The following CBFB variants were observed in gnomAD, a reference collection of about 807,000 sequenced individuals.
CBFB encodes the protein CBF-beta.
A neutral mutation model predicts 30.4 loss-of-function variants in CBFB; 9 were observed. The ratio of observed to expected loss-of-function variants is 0.30; its 90% CI spans 0.18 to 0.52. The LOEUF (loss-of-function observed/expected upper bound fraction) is 0.52. CBFB is among the 20% of genes least tolerant of loss of function. The pLI, the probability that CBFB is intolerant of heterozygous loss-of-function variation, is 0.97. For missense variants in CBFB, 170 were observed against 244.0 expected (o/e 0.70, Z 2.02); for synonymous variants, 94 against 84.0 (o/e 1.12, Z -0.65).
chr16:67,029,953 A>G, intron 2 of CBFB, 140 bp downstream of exon 2: 1 of 517,862 alleles, frequency 1.9e-6, no homozygotes, highest in Non-Finnish European at 3.2e-6. Context: ...TCGGGATTCA[A>G]AATGCGAAAC....
At chr16:67,097,545 CAA>C (rs1416293585) in intron 5 of CBFB, among the ~76,000 whole-genome samples, 10 of 48,858 alleles carry the variant, frequency 2.0e-4, no homozygotes, top group Admixed American at 2.2e-4. Context: ...AACTCCGTCT[CAA>C]AAAAAAAAAA....
Position 67,098,710 on chromosome 16 carries a change from G to A in CBFB, c.496G>A (p.Ala166Thr). Residue 166 changes from alanine (A) to threonine (T), a missense_variant and splice_region_variant, in exon 6 of 6, where the codon GCA becomes ACA. Transcript: ENST00000412916. ...CCAAATTATGATTTTGTCATTGCAG[G>A]CAAGAAGACAACAAGACCCTAGTCC... ...RDRSHREEME[A>T]RRQQDPSPGS... is the part of the protein sequence containing the mutation. 6.2e-7 allele frequency: 1 copy of A among 1,600,464 alleles called. No individual in the cohort carries two copies. Among genetic ancestry groups the A allele is most frequent in the Non-Finnish European group, 8.6e-7 (1 of 1,168,270 alleles).
intron 3 of CBFB, among the ~76,000 whole-genome samples, chr16:67,051,429 T>C (rs958169341): frequency 6.6e-6 from 1 of 152,016 alleles, no homozygotes; most frequent in African/African-American, 2.4e-5. Flanking sequence ...GATCCAAATA[T>C]ATGTATATAT....
intron 5 of CBFB, among the ~76,000 whole-genome samples, chr16:67,085,620 A>G (rs1961704843): frequency 2.0e-5 from 3 of 151,814 alleles, no homozygotes; most frequent in Admixed American, 2.0e-4. Context: ...TTGACCTCCC[A>G]AAGTGCTGGG....
chr16:67,031,710 A>G (rs752331308), intron 2 of CBFB, among the ~76,000 whole-genome samples: 4 of 151,790 alleles, frequency 2.6e-5, no homozygotes, highest in Non-Finnish European at 4.4e-5. Context: ...ACGGGGTTTC[A>G]CCATCTTGGC....
chr16:67,080,696 G>A (rs371184652), intron 4 of CBFB, among the ~76,000 whole-genome samples: 1 of 152,244 alleles, frequency 6.6e-6, no homozygotes, highest in South Asian at 2.1e-4. Context: ...TTGTTGTCCA[G>A]AAGTTTCCAA....
chr16:67,055,357 CTTTTTTTTTTTTTT>C (rs1163773529), intron 3 of CBFB, among the ~76,000 whole-genome samples: 12 of 81,466 alleles, frequency 1.5e-4, no homozygotes, highest in East Asian at 6.7e-4. Context: ...CAGACACTTT[CTTTTTTTTTTTTTT>C]TTTTTTTTTT....
At chr16:67,072,602 G>A (rs1294555332) in intron 4 of CBFB, among the ~76,000 whole-genome samples, 4 of 151,818 alleles carry the variant, frequency 2.6e-5, no homozygotes, top group Non-Finnish European at 4.4e-5. Context: ...GAGTAGCTGG[G>A]GTTACAGGCA....
chr16:67,049,110 C>T (rs1344176673), intron 3 of CBFB, among the ~76,000 whole-genome samples: 1 of 152,078 alleles, frequency 6.6e-6, no homozygotes, highest in East Asian at 1.9e-4. Flanking sequence ...TGTGAGCCAC[C>T]GCGCCTGGCC....
Position 67,098,951 on chromosome 16 carries a change from T to C in CBFB, c.*173T>C. The C allele has an allele frequency of 4.2e-6, 2 of 474,722 alleles. No homozygotes were observed. The highest frequency in any genetic ancestry group is 3.3e-5 in the East Asian group (1 of 30,282). 29.4% of individuals were successfully genotyped at this position (474,722 alleles called of 1,614,324 possible). ...CTGCCATGGTTTTGCACTATGATTA[T>C]AATACCTGCATTTCTAATTTTTTAA... On this transcript the variant is annotated 3_prime_UTR_variant, in exon 6 of 6. Transcript: ENST00000412916.
intron 5 of CBFB, among the ~76,000 whole-genome samples, chr16:67,083,765 A>T (rs1052852020): frequency 2.0e-5 from 3 of 152,136 alleles, no homozygotes; most frequent in Admixed American, 6.6e-5. Context: ...TGACAATGGA[A>T]TTTTAATTTT....
At chr16:67,061,431 G>A (rs867855156) in intron 3 of CBFB, among the ~76,000 whole-genome samples, 3 of 152,208 alleles carry the variant, frequency 2.0e-5, no homozygotes, top group Middle Eastern at 6.8e-3. Context: ...TTTGAAATAA[G>A]GAATCATTTT....
At chr16:67,087,521 C>T (rs1470616664) in intron 5 of CBFB, among the ~76,000 whole-genome samples, 2 of 152,066 alleles carry the variant, frequency 1.3e-5, no homozygotes, top group African/African-American at 4.8e-5. Flanking sequence ...TGACACTGCA[C>T]TCCAGCCTGG....
At chr16:67,083,670 T>A (rs1961634088) in intron 5 of CBFB, among the ~76,000 whole-genome samples, 2 of 152,154 alleles carry the variant, frequency 1.3e-5, no homozygotes, top group Non-Finnish European at 2.9e-5. Context: ...AGTTTAGTCT[T>A]GCCCAGTTTT....
intron 3 of CBFB, among the ~76,000 whole-genome samples, chr16:67,063,496 C>CA (rs56815771): frequency 0.061 from 9,334 of 152,090 alleles, 875 homozygotes; most frequent in African/African-American, 0.21. Flanking sequence ...GGCTAGAGTG[C>CA]AGTGGTGCGA....
chr16:67,061,496 AC>A (rs1158988961), intron 3 of CBFB, among the ~76,000 whole-genome samples: 1 of 152,178 alleles, frequency 6.6e-6, no homozygotes, highest in East Asian at 1.9e-4. Context: ...GAAGCATTTC[AC>A]TGTGTATTAA....
intron 3 of CBFB, among the ~76,000 whole-genome samples, chr16:67,050,738 A>G (rs536278577): frequency 6.6e-6 from 1 of 152,260 alleles, no homozygotes; most frequent in African/African-American, 2.4e-5. Flanking sequence ...GCCTACAGTG[A>G]ACTATGATTG....
In CBFB at chr16:67,047,601, A is replaced by G. The variant is rs147022350; in HGVS notation, c.282+10846A>G. Among the ~76,000 whole-genome samples, 3 of 152,354 alleles carry G rather than the reference A, an allele frequency of 2.0e-5. No homozygotes were observed. In the East Asian group the frequency reaches 5.8e-4, roughly 29 times the overall value. On this transcript the variant is annotated intron_variant, in intron 3 of 5. Coordinates refer to ENST00000412916, the MANE Select transcript of CBFB (RefSeq NM_022845.3). ...CATAGATGTTCAAAGTTTGTTCCAT[A>G]TAATAACAATGATAGTTTCTAATAA...
intron 4 of CBFB, among the ~76,000 whole-genome samples, chr16:67,081,266 A>G (rs1018446825): frequency 6.6e-6 from 1 of 151,700 alleles, no homozygotes; most frequent in Non-Finnish European, 1.5e-5. Context: ...ACTGAGAATG[A>G]TGATTTCCAG....
Sources: allele counts gnomAD v4.1 joint callset (sites outside exome capture counted in the v4.1 genomes callset), GRCh38; gene constraint gnomAD v4.1.1; transcripts MANE v1.5; gene names NCBI Gene and HGNC (gene_info 2026-07-23, HGNC 2026-07-21).